Variants in CD55 observed in about 807,000 individuals in gnomAD.
The protein encoded by CD55 is complement decay-accelerating factor.
Under a neutral mutation model 45.8 loss-of-function variants are expected in CD55, and 41 were observed. The ratio of observed to expected loss-of-function variants is 0.90; its 90% CI spans 0.70 to 1.16. The LOEUF is 1.16. Among genes scored for constraint, CD55 ranks in the 50% most tolerant of loss-of-function variants. The probability of loss-of-function intolerance (pLI) is 0.00; values close to 1 mark genes in which losing one functional copy is unlikely to be tolerated. For synonymous variants in CD55, 181 were observed against 181.1 expected (o/e 1.00, Z 0.01); for missense variants, 416 against 469.8 (o/e 0.89, Z 1.06).
chr1:207,346,712 A>G (rs1452312798), intron 9 of CD55, among the ~76,000 whole-genome samples: 1 of 152,216 alleles, frequency 6.6e-6, no homozygotes, highest in Non-Finnish European at 1.5e-5. Context: ...GGCTTAGGCA[A>G]CAGTGGCCAC....
chr1:207,356,685 G>C (rs1656088448), intron 9 of CD55, among the ~76,000 whole-genome samples: 1 of 152,126 alleles, frequency 6.6e-6, no homozygotes, highest in African/African-American at 2.4e-5. Context: ...TATCAAATGA[G>C]TTGCCACCTG....
chr1:207,341,940 T>C (rs1655445253), intron 9 of CD55, among the ~76,000 whole-genome samples: 1 of 152,098 alleles, frequency 6.6e-6, no homozygotes, highest in African/African-American at 2.4e-5. Context: ...GTAGTTTTCC[T>C]TGTAGGGGTC....
chr1:207,344,287 CTCT>C (rs1655543517), intron 9 of CD55, among the ~76,000 whole-genome samples: 1 of 152,042 alleles, frequency 6.6e-6, no homozygotes, highest in Admixed American at 6.6e-5. Context: ...TTAGTCTTTT[CTCT>C]TCTTTGTGTG....
At chr1:207,350,214 T>G (rs367570492) in intron 9 of CD55, 1 of 407,990 alleles carries the variant, frequency 2.5e-6, no homozygotes. Context: ...TAAAGCCTAC[T>G]TGATCGTGGT....
intron 7 of CD55, 58 bp downstream of exon 7, chr1:207,336,876 GA>G: frequency 6.2e-7 from 1 of 1,601,140 alleles, no homozygotes; most frequent in Non-Finnish European, 8.6e-7. Context: ...TCAGCTACAA[GA>G]ACCCCACCAA....
intron 9 of CD55, among the ~76,000 whole-genome samples, chr1:207,357,753 C>T (rs915222200): frequency 2.6e-5 from 4 of 152,000 alleles, no homozygotes; most frequent in African/African-American, 9.7e-5. Flanking sequence ...TCTGCTTATC[C>T]TCGGTTGGGG....
intron 9 of CD55, among the ~76,000 whole-genome samples, chr1:207,348,411 G>T (rs1465108103): frequency 6.6e-6 from 1 of 151,982 alleles, no homozygotes; most frequent in Non-Finnish European, 1.5e-5. Flanking sequence ...TTTTTTAAGG[G>T]TTGGTTTGAT....
At chr1:207,355,339 T>TGGGGG (rs1553272046) in intron 9 of CD55, among the ~76,000 whole-genome samples, 1 of 10,162 alleles carries the variant, frequency 9.8e-5, no homozygotes, top group Admixed American at 1.1e-3. Flanking sequence ...GGGGTGGTGG[T>TGGGGG]GGGAGGGGGG....
chr1:207,345,785 T>C (rs1655608048), intron 9 of CD55, among the ~76,000 whole-genome samples: 1 of 152,218 alleles, frequency 6.6e-6, no homozygotes, highest in Non-Finnish European at 1.5e-5. Context: ...TGGGGCACTT[T>C]GGCTTTAATT....
intron 6 of CD55, among the ~76,000 whole-genome samples, chr1:207,331,622 A>C (rs181227065): frequency 1.3e-4 from 20 of 152,206 alleles, no homozygotes; most frequent in African/African-American, 4.3e-4. Context: ...ACAAAGAGAT[A>C]TAAAGTGGTT....
chr1:207,336,631 T>C (rs1053572810), intron 6 of CD55, 62 bp from the exon 7 acceptor site: 2 of 1,591,236 alleles, frequency 1.3e-6, no homozygotes, highest in African/African-American at 2.7e-5. Flanking sequence ...AAGCAATGGC[T>C]AAGAATGTTA....
In CD55 at chr1:207,354,555, T is replaced by C. The variant is rs568754404; in HGVS notation, c.1082-4991T>C. 1.3e-4 allele frequency among the ~76,000 whole-genome samples: 20 copies of C among 152,314 alleles called. No homozygotes were observed. The East Asian group carries it at 3.5e-3, about 26-fold the overall frequency. ...ATGTTATTTTCCCACCTAAGAGCTC[T>C]TCAGTTTAATCTTAGGAACATTGGA... On this transcript the variant is annotated intron_variant, in intron 9 of 9. Coordinates refer to ENST00000367064, the MANE Select transcript of CD55 (RefSeq NM_000574.5).
intron 8 of CD55, 36 bp downstream of exon 8, chr1:207,337,445 T>C: frequency 9.2e-7 from 1 of 1,086,426 alleles, no homozygotes; most frequent in Non-Finnish European, 1.4e-6. Flanking sequence ...TGAGTATGGA[T>C]CTAATGTGCT....
Position 207,321,717 on chromosome 1 carries a change from C to T in CD55, c.-49C>T, listed in dbSNP as rs1572864313. On this transcript the variant is annotated 5_prime_UTR_variant, in exon 1 of 10. Coordinates refer to ENST00000367064, the MANE Select transcript of CD55 (RefSeq NM_000574.5). Reference sequence around the variant, plus strand: ...TCGCTCCGGCCGCTGGGCGTAGCTGCGACTCGGCGGAGTCCCGGCGGCGCG... The same window carrying T: ...TCGCTCCGGCCGCTGGGCGTAGCTGTGACTCGGCGGAGTCCCGGCGGCGCG... 7.3e-7 allele frequency: 1 copy of T among 1,373,632 alleles called. No homozygotes were observed. The highest frequency in any genetic ancestry group is 9.7e-7 in the Non-Finnish European group (1 of 1,032,786). 85.1% of individuals were successfully genotyped at this position (1,373,632 alleles called of 1,614,324 possible). A position where few individuals can be genotyped will look rare whatever the true frequency, so the allele number is the denominator to read the frequency against.
intron 9 of CD55, among the ~76,000 whole-genome samples, chr1:207,358,936 G>A (rs1395895671): frequency 6.6e-6 from 1 of 152,138 alleles, no homozygotes; most frequent in Non-Finnish European, 1.5e-5. Context: ...CTTTTAAAGA[G>A]AATGCCTTCA....
At chr1:207,348,646 A>G (rs936854507) in intron 9 of CD55, among the ~76,000 whole-genome samples, 9 of 152,108 alleles carry the variant, frequency 5.9e-5, no homozygotes, top group Admixed American at 2.0e-4. Flanking sequence ...ATATTTACCA[A>G]CACCTATGTC....
chr1:207,324,884 A>G (rs1194797882), intron 3 of CD55, 134 bp downstream of exon 3: 5 of 442,422 alleles, frequency 1.1e-5, no homozygotes, highest in Non-Finnish European at 2.0e-5. Context: ...CATGAGTGTC[A>G]ATTTATTTTG....
intron 3 of CD55, 82 bp downstream of exon 3, chr1:207,324,832 CT>C (rs1232883195): frequency 1.3e-6 from 1 of 761,268 alleles, no homozygotes. Flanking sequence ...TGCTAGAACT[CT>C]ATGTGTATAT....
chr1:207,339,552 T>A, intron 9 of CD55, 135 bp downstream of exon 9: 1 of 694,508 alleles, frequency 1.4e-6, no homozygotes, highest in Non-Finnish European at 2.4e-6. Context: ...CTTTTTAGTA[T>A]GGAAAACTTT....
Sources: allele counts gnomAD v4.1 joint callset (sites outside exome capture counted in the v4.1 genomes callset), GRCh38; gene constraint gnomAD v4.1.1; transcripts MANE v1.5; gene names NCBI Gene and HGNC (gene_info 2026-07-23, HGNC 2026-07-21).